UGT2B10: variants seen among roughly 807,000 people sequenced by gnomAD.
The protein encoded by UGT2B10 is UDP-glucuronosyltransferase 2B10.
In UGT2B10, 51 loss-of-function variants were observed where a neutral mutation model predicts 43.7. The ratio of observed to expected loss-of-function variants is 1.17; its 90% CI spans 0.93 to 1.47. The LOEUF is 1.47. UGT2B10 is among the 40% of genes most tolerant of loss of function. The probability of loss-of-function intolerance (pLI) is 0.00; values close to 1 mark genes in which losing one functional copy is unlikely to be tolerated. For missense variants in UGT2B10, 696 were observed against 617.7 expected, an observed-to-expected ratio of 1.13 and a Z score of -1.34; for synonymous variants, 225 against 209.0, an observed-to-expected ratio of 1.08 and a Z score of -0.66.
At chr4:68,829,686 G>A (rs984004133) in intron 5 of UGT2B10, among the ~76,000 whole-genome samples, 15 of 152,014 alleles carry the variant, frequency 9.9e-5, no homozygotes, top group African/African-American at 3.6e-4. Context: ...TAGCAAGAAA[G>A]AATACTCCAA....
chr4:68,818,273 A>G, intron 2 of UGT2B10, 96 bp downstream of exon 2: 1 of 1,556,490 alleles, frequency 6.4e-7, no homozygotes, highest in South Asian at 1.3e-5. Context: ...AACACTGAAA[A>G]AGATGGGAAG....
At chr4:68,829,615 C>T (rs1737981554) in intron 5 of UGT2B10, among the ~76,000 whole-genome samples, 1 of 151,944 alleles carries the variant, frequency 6.6e-6, no homozygotes, top group Non-Finnish European at 1.5e-5. Flanking sequence ...CAGTAAAAGC[C>T]TCTCTTAGAG....
At chr4:68,824,679 T>A (rs1209030780) in intron 3 of UGT2B10, among the ~76,000 whole-genome samples, 1 of 152,162 alleles carries the variant, frequency 6.6e-6, no homozygotes, top group Non-Finnish European at 1.5e-5. Context: ...TGTAAATTAT[T>A]GTTCAGTTTA....
intron 5 of UGT2B10, among the ~76,000 whole-genome samples, chr4:68,828,764 G>T (rs748963978): frequency 2.0e-5 from 3 of 151,908 alleles, no homozygotes; most frequent in Non-Finnish European, 2.9e-5. Flanking sequence ...CATTTTCCTA[G>T]AGCATGTTGA....
rs778753702 is a variant in UGT2B10, at chr4:68,830,658, C to T, written c.1366C>T (p.Leu456=). 2.2e-5 allele frequency: 35 copies of T among 1,613,158 alleles called. No individual in the cohort carries two copies. In the African/African-American group the frequency reaches 3.2e-4, roughly 15 times the overall value. ...RIQHDQPVKP[L]DRAVFWIEFV... Reference sequence around the variant, plus strand: ...TCAACATGATCAACCAGTGAAGCCCCTGGATCGAGCAGTCTTCTGGATTGA... The same window carrying T: ...TCAACATGATCAACCAGTGAAGCCCTTGGATCGAGCAGTCTTCTGGATTGA... Residue 456 remains leucine (L), a synonymous_variant, in exon 6 of 6, where the codon CTG becomes TTG. Coordinates refer to ENST00000265403, the MANE Select transcript of UGT2B10 (RefSeq NM_001075.6).
chr4:68,820,331 A>G lies in UGT2B10; in HGVS notation c.868-1940A>G, dbSNP rs1217695731. Among the ~76,000 whole-genome samples, 5 of 152,198 alleles carry G rather than the reference A, an allele frequency of 3.3e-5. No homozygotes were observed. The East Asian group carries it at 9.6e-4, about 29-fold the overall frequency. On this transcript the variant is annotated intron_variant, in intron 2 of 5. Transcript: ENST00000265403. ...CTTTTCAATTATATATTAGATTCTC[A>G]GATAATTTCTATATATTTTAAGAGA...
chr4:68,830,933 A>G lies in UGT2B10; in HGVS notation c.*54A>G. 1.3e-6 allele frequency: 2 copies of G among 1,549,040 alleles called. No homozygotes were observed. The highest frequency in any genetic ancestry group is 1.7e-6 in the Non-Finnish European group (2 of 1,147,760). On this transcript the variant is annotated 3_prime_UTR_variant, in exon 6 of 6. Transcript: ENST00000265403. ...CTGATAGATAGGAATACTTCAGTTGATTCCAGCAATAAATATTGTGATGCA... is the reference window on the plus strand; with the variant it reads ...CTGATAGATAGGAATACTTCAGTTGGTTCCAGCAATAAATATTGTGATGCA...
Position 68,816,503 on chromosome 4 carries a change from C to T in UGT2B10, c.484C>T (p.Leu162=), listed in dbSNP as rs762082297. ...YLPCGELLAE[L]FNIPFVYSHS... is the part of the protein sequence containing the mutation. ...ACCCTGTGGTGAGCTGCTGGCTGAG[C>T]TATTTAACATACCCTTTGTGTACAG... The change falls in exon 1 of 6, where the codon CTA becomes TTA. Residue 162 remains leucine (L), a synonymous_variant. Coordinates refer to ENST00000265403, the MANE Select transcript of UGT2B10 (RefSeq NM_001075.6). 3 of 1,613,216 alleles carry T rather than the reference C, an allele frequency of 1.9e-6. No homozygotes were observed. Among genetic ancestry groups the T allele is most frequent in the Admixed American group, 3.3e-5 (2 of 59,920 alleles).
rs1383040858 is a variant in UGT2B10, at chr4:68,822,461, G to A, written c.999+59G>A. On this transcript the variant is annotated intron_variant, in intron 3 of 5. Transcript: ENST00000265403. ...ACTGAAAGAGGCTGTTAAAGTTTGT[G>A]ATCTACATAGAAAGAATATTAAAGA... The A allele has an allele frequency of 1.4e-5, 22 of 1,606,328 alleles. No homozygotes were observed. In the Admixed American group the frequency reaches 3.3e-4, roughly 24 times the overall value.
At chr4:68,827,586 A>C (rs1445172086) in intron 5 of UGT2B10, 38 bp downstream of exon 5, 2 of 1,610,112 alleles carry the variant, frequency 1.2e-6, no homozygotes, top group Admixed American at 3.3e-5. Flanking sequence ...TGGTATTAAT[A>C]GATAGCTTTT....
rs868331406 is a variant in UGT2B10, at chr4:68,831,147, A to G, written c.*268A>G. ...TTGTATTGAAATTTGTTGCACTTATATTGAAATGTGATCATGGCTCACTTC... is the reference window on the plus strand; with the variant it reads ...TTGTATTGAAATTTGTTGCACTTATGTTGAAATGTGATCATGGCTCACTTC... On this transcript the variant is annotated 3_prime_UTR_variant, in exon 6 of 6. Coordinates refer to ENST00000265403, the MANE Select transcript of UGT2B10 (RefSeq NM_001075.6). The G allele has an allele frequency of 2.4e-6, 1 of 416,422 alleles. No homozygotes were observed. Among genetic ancestry groups the G allele is most frequent in the South Asian group, 3.4e-5 (1 of 28,998 alleles). The allele number at this position is 416,422 out of a possible 1,614,324, so 25.8% of individuals were successfully genotyped here.
intron 1 of UGT2B10, among the ~76,000 whole-genome samples, chr4:68,817,001 A>G (rs1221866100): frequency 6.6e-6 from 1 of 151,906 alleles, no homozygotes; most frequent in African/African-American, 2.4e-5. Flanking sequence ...ACTTTAAGCA[A>G]TTATATATCT....
intron 3 of UGT2B10, among the ~76,000 whole-genome samples, chr4:68,822,608 C>T (rs993113612): frequency 1.4e-4 from 22 of 152,072 alleles, no homozygotes; most frequent in Non-Finnish European, 7.4e-5. Flanking sequence ...AGTTACTACC[C>T]TTGGTATGCA....
chr4:68,819,507 AAC>A (rs59305050), intron 2 of UGT2B10, among the ~76,000 whole-genome samples: 3,951 of 152,092 alleles, frequency 0.026, 180 homozygotes, highest in African/African-American at 0.09. Flanking sequence ...TGTGCAGACA[AAC>A]ACAGGGTTCA....
intron 2 of UGT2B10, among the ~76,000 whole-genome samples, chr4:68,820,958 A>G (rs77459922): frequency 0.068 from 10,385 of 152,182 alleles, 389 homozygotes; most frequent in Non-Finnish European, 0.093. Flanking sequence ...ATAGAAAAAC[A>G]AGGCTCTGGC....
At chr4:68,823,000 T>C (rs921194637) in intron 3 of UGT2B10, among the ~76,000 whole-genome samples, 10 of 152,170 alleles carry the variant, frequency 6.6e-5, no homozygotes, top group Admixed American at 3.9e-4. Flanking sequence ...TTAAGGAATG[T>C]AGTATTTCTG....
In UGT2B10 at chr4:68,831,032, A is replaced by G. The variant is rs1380657665; in HGVS notation, c.*153A>G. On this transcript the variant is annotated 3_prime_UTR_variant, in exon 6 of 6. Transcript: ENST00000265403. ...TGTCAAGTAAAAATTTGTTTTTCAGAGATTTACCACCCAGTTAATGGTTAG... is the reference window on the plus strand; with the variant it reads ...TGTCAAGTAAAAATTTGTTTTTCAGGGATTTACCACCCAGTTAATGGTTAG... 1.0e-6 allele frequency: 1 copy of G among 997,754 alleles called. No homozygotes were observed. The highest frequency in any genetic ancestry group is 1.4e-6 in the Non-Finnish European group (1 of 690,036). 61.8% of individuals were successfully genotyped at this position (997,754 alleles called of 1,614,324 possible). A position where few individuals can be genotyped will look rare whatever the true frequency, so the allele number is the denominator to read the frequency against.
At chr4:68,822,485 G>C (rs748183760) in intron 3 of UGT2B10, 83 bp downstream of exon 3, 34 of 1,600,072 alleles carry the variant, frequency 2.1e-5, no homozygotes, top group Middle Eastern at 1.7e-4. Context: ...GAATATTAAA[G>C]AGTAGACTGA....
At chr4:68,823,476 C>T (rs748662062) in intron 3 of UGT2B10, among the ~76,000 whole-genome samples, 2 of 152,074 alleles carry the variant, frequency 1.3e-5, no homozygotes, top group Non-Finnish European at 2.9e-5. Flanking sequence ...CATTGCACTC[C>T]AGCCTGGGCT....
Sources: gnomAD v4.1 joint callset for allele counts (sites outside exome capture counted in the v4.1 genomes callset) on GRCh38, gnomAD v4.1.1 for gene constraint, MANE v1.5 for transcripts, NCBI Gene and HGNC (gene_info 2026-07-23, HGNC 2026-07-21) for gene names.